Variants in MICU1 observed in about 807,000 individuals in gnomAD.
MICU1 encodes mitochondrial calcium uptake 1, also known as calcium uptake protein 1, mitochondrial.
In MICU1, 45 loss-of-function variants were observed where a neutral mutation model predicts 56.8. That is an observed-to-expected ratio of 0.79 (90% confidence interval 0.62 to 1.02). MICU1 has a LOEUF of 1.02. Among genes scored for constraint, MICU1 ranks in the 50% least tolerant of loss-of-function variants. The pLI is 0.00. For synonymous variants in MICU1, 186 were observed against 195.1 expected (o/e 0.95, Z 0.39); for missense variants, 504 against 587.1 (o/e 0.86, Z 1.46).
rs1800247786 is a variant in MICU1, at chr10:72,530,090, G to A, written c.537+3656C>T. Among the ~76,000 whole-genome samples the A allele has an allele frequency of 2.6e-5, 4 of 150,954 alleles. No individual in the cohort carries two copies. The South Asian group carries it at 8.3e-4, about 31-fold the overall frequency. On this transcript the variant is annotated intron_variant, in intron 5 of 11. Transcript: ENST00000361114. ...CGCCTGTAATCGCAACACTTCGGGA[G>A]GCCAAGGTGGGCAGATTACCTGAGG...
chr10:72,436,732 CT>C (rs773116520), intron 8 of MICU1, among the ~76,000 whole-genome samples: 2 of 152,100 alleles, frequency 1.3e-5, no homozygotes, highest in Non-Finnish European at 2.9e-5. Flanking sequence ...ACTGATGGAG[CT>C]GAAAACCATG....
intron 4 of MICU1, among the ~76,000 whole-genome samples, chr10:72,540,994 T>TA (rs1839759665): frequency 6.6e-6 from 1 of 152,234 alleles, no homozygotes; most frequent in Admixed American, 6.5e-5. Flanking sequence ...AGACAACCTC[T>TA]AGCCTATCTA....
At chr10:72,576,636 T>C (rs1267122490) in intron 1 of MICU1, among the ~76,000 whole-genome samples, 1 of 152,204 alleles carries the variant, frequency 6.6e-6, no homozygotes, top group African/African-American at 2.4e-5. Flanking sequence ...CAGCAAGTTA[T>C]CCAGATCTAG....
intron 8 of MICU1, among the ~76,000 whole-genome samples, chr10:72,432,273 T>C (rs1198099673): frequency 6.6e-6 from 1 of 151,990 alleles, no homozygotes; most frequent in Non-Finnish European, 1.5e-5. Context: ...TTCTAAAAAA[T>C]TTAATACAAA....
chr10:72,395,145 C>T (rs1863205707), intron 10 of MICU1, among the ~76,000 whole-genome samples: 1 of 152,188 alleles, frequency 6.6e-6, no homozygotes, highest in Non-Finnish European at 1.5e-5. Flanking sequence ...TACCACTACA[C>T]TCCAGCCTGG....
chr10:72,432,305 C>A (rs1490686464), intron 8 of MICU1, among the ~76,000 whole-genome samples: 6 of 151,934 alleles, frequency 3.9e-5, no homozygotes, highest in Non-Finnish European at 8.8e-5. Context: ...ACCAAATTTT[C>A]TTTTTGTAGA....
chr10:72,549,321 G>A (rs1839975111), intron 4 of MICU1, among the ~76,000 whole-genome samples: 1 of 151,312 alleles, frequency 6.6e-6, no homozygotes, highest in South Asian at 2.1e-4. Flanking sequence ...CTCCCAAGTA[G>A]CTGGGACTAC....
chr10:72,510,190 A>C (rs1314551205), intron 5 of MICU1, among the ~76,000 whole-genome samples: 1 of 152,188 alleles, frequency 6.6e-6, no homozygotes, highest in Non-Finnish European at 1.5e-5. Context: ...TTTTTCTAAC[A>C]ATCATCCGGG....
intron 10 of MICU1, among the ~76,000 whole-genome samples, chr10:72,407,102 C>T (rs753356942): frequency 2.6e-4 from 40 of 152,050 alleles, no homozygotes; most frequent in Non-Finnish European, 4.9e-4. Flanking sequence ...ATATACAGTA[C>T]AAAGGTTGCC....
intron 1 of MICU1, among the ~76,000 whole-genome samples, chr10:72,607,852 TG>T (rs908139795): frequency 8.6e-5 from 13 of 151,012 alleles, no homozygotes; most frequent in South Asian, 2.1e-4. Context: ...CATTAACCTG[TG>T]GGGGGGGTCT....
intron 4 of MICU1, among the ~76,000 whole-genome samples, chr10:72,546,312 C>T (rs898121669): frequency 1.3e-5 from 2 of 152,178 alleles, no homozygotes; most frequent in Non-Finnish European, 2.9e-5. Flanking sequence ...TAAGTTCAGC[C>T]TAAAGCTTCC....
At chr10:72,377,931 GC>G in intron 10 of MICU1, among the ~76,000 whole-genome samples, 1 of 151,976 alleles carries the variant, frequency 6.6e-6, no homozygotes, top group South Asian at 2.1e-4. Flanking sequence ...TTAGATTTGT[GC>G]CCCCACCCAA....
chr10:72,442,853 T>C (rs1864982800), intron 8 of MICU1, among the ~76,000 whole-genome samples: 1 of 152,158 alleles, frequency 6.6e-6, no homozygotes, highest in Non-Finnish European at 1.5e-5. Context: ...GCCTCCTGGG[T>C]TCAAGTAATT....
At chr10:72,419,525 C>T (rs545178923) in intron 9 of MICU1, among the ~76,000 whole-genome samples, 2 of 152,308 alleles carry the variant, frequency 1.3e-5, no homozygotes, top group African/African-American at 4.8e-5. Flanking sequence ...TTCAACTTTT[C>T]AATATCCAAG....
intron 10 of MICU1, among the ~76,000 whole-genome samples, chr10:72,383,095 CATT>C (rs1047303707): frequency 3.3e-5 from 5 of 151,970 alleles, no homozygotes; most frequent in African/African-American, 1.2e-4. Context: ...TTTTAAAAAA[CATT>C]AGTTGGGCAC....
chr10:72,621,449 G>A (rs996312343), intron 1 of MICU1, among the ~76,000 whole-genome samples: 2 of 151,950 alleles, frequency 1.3e-5, no homozygotes, highest in African/African-American at 2.4e-5. Context: ...CCAAGAACGC[G>A]CCATTGCACT....
At chr10:72,605,027 A>T (rs1380186930) in intron 1 of MICU1, among the ~76,000 whole-genome samples, 1 of 152,226 alleles carries the variant, frequency 6.6e-6, no homozygotes, top group Non-Finnish European at 1.5e-5. Flanking sequence ...CATGCAGCAA[A>T]TTATGAATAA....
At chr10:72,443,608 C>A (rs1261482588) in intron 8 of MICU1, among the ~76,000 whole-genome samples, 1 of 152,196 alleles carries the variant, frequency 6.6e-6, no homozygotes, top group Non-Finnish European at 1.5e-5. Context: ...GTTTTCCCAG[C>A]ACCATTTATT....
intron 3 of MICU1, among the ~76,000 whole-genome samples, chr10:72,555,728 T>C (rs920410908): frequency 1.3e-5 from 2 of 152,218 alleles, no homozygotes; most frequent in African/African-American, 2.4e-5. Context: ...TTAGATGAGA[T>C]GAGCAACTGA....
Sources: gnomAD v4.1 joint callset for allele counts (sites outside exome capture counted in the v4.1 genomes callset) on GRCh38, gnomAD v4.1.1 for gene constraint, MANE v1.5 for transcripts, NCBI Gene and HGNC (gene_info 2026-07-23, HGNC 2026-07-21) for gene names.